Variants in PBX3 observed in about 807,000 individuals in gnomAD.
The protein encoded by PBX3 is pre-B-cell leukemia transcription factor 3.
In PBX3, 14 loss-of-function variants were observed where a neutral mutation model predicts 48.5. The observed-to-expected ratio is 0.29, with a 90% CI of 0.19 to 0.45. PBX3 has a LOEUF of 0.45. Among genes scored for constraint, PBX3 ranks in the 20% least tolerant of loss-of-function variants. The pLI is 1.00. For synonymous variants in PBX3, 210 were observed against 200.3 expected, an observed-to-expected ratio of 1.05 and a Z score of -0.41; for missense variants, 386 against 546.7, an observed-to-expected ratio of 0.71 and a Z score of 2.93.
intron 2 of PBX3, among the ~76,000 whole-genome samples, chr9:125,841,444 TTGTGA>T (rs1409481472): frequency 1.3e-5 from 2 of 152,194 alleles, no homozygotes; most frequent in Non-Finnish European, 2.9e-5. Context: ...TGTCTTGAAC[TTGTGA>T]TGTGGTAGGC....
At chr9:125,930,860 A>G (rs1232344613) in intron 4 of PBX3, among the ~76,000 whole-genome samples, 1 of 152,158 alleles carries the variant, frequency 6.6e-6, no homozygotes, top group African/African-American at 2.4e-5. Context: ...CTTTGCTTGA[A>G]AACCACAGTA....
intron 3 of PBX3, among the ~76,000 whole-genome samples, chr9:125,916,238 AG>A (rs1284597989): frequency 6.6e-6 from 1 of 152,166 alleles, no homozygotes; most frequent in Non-Finnish European, 1.5e-5. Context: ...TGCTCTTCAA[AG>A]CTCTGTATAA....
intron 2 of PBX3, among the ~76,000 whole-genome samples, chr9:125,819,615 C>T (rs543933962): frequency 6.6e-6 from 1 of 152,210 alleles, no homozygotes; most frequent in East Asian, 1.9e-4. Context: ...CTGATATCTT[C>T]CCTGCTTGTA....
intron 5 of PBX3, among the ~76,000 whole-genome samples, chr9:125,943,352 C>CAAAAAAAAAAAAAAAA (rs60326557): frequency 1.3e-4 from 8 of 60,880 alleles, no homozygotes; most frequent in Admixed American, 2.2e-4. Context: ...GAGACTGTCT[C>CAAAAAAAAAAAAAAAA]AAAAAAAAAA....
intron 3 of PBX3, 104 bp downstream of exon 3, chr9:125,916,031 A>G (rs1330534237): frequency 7.0e-7 from 1 of 1,435,298 alleles, no homozygotes; most frequent in African/African-American, 1.4e-5. Flanking sequence ...TGTTAACACA[A>G]ATTACAAAAT....
At chr9:125,893,176 T>C (rs1840691003) in intron 2 of PBX3, among the ~76,000 whole-genome samples, 1 of 152,216 alleles carries the variant, frequency 6.6e-6, no homozygotes, top group African/African-American at 2.4e-5. Context: ...GCAGTAATAA[T>C]TAATATCAGT....
chr9:125,831,408 T>A (rs887062303), intron 2 of PBX3, among the ~76,000 whole-genome samples: 1 of 151,514 alleles, frequency 6.6e-6, no homozygotes, highest in South Asian at 2.1e-4. Flanking sequence ...TTATTCTTTC[T>A]GTATTTATTA....
rs758564832 is a variant in PBX3, at chr9:125,747,544, C to G, written c.91C>G (p.Pro31Ala). 6.2e-7 allele frequency: 1 copy of G among 1,606,036 alleles called. No individual in the cohort carries two copies. Among genetic ancestry groups the G allele is most frequent in the Non-Finnish European group, 8.5e-7 (1 of 1,176,476 alleles). ...GGGGGGCATGGCCCTGCCGCCTCCCCCGCACGGCCACGAAGGGGCGGACGG... is the reference window on the plus strand; with the variant it reads ...GGGGGGCATGGCCCTGCCGCCTCCCGCGCACGGCCACGAAGGGGCGGACGG... ...VQGGMALPPP[P>A]HGHEGADGDG... The change falls in exon 1 of 9, where the codon CCG becomes GCG. Residue 31 changes from proline to alanine, a missense_variant. By Grantham distance (27) the Pro-to-Ala change is conservative (BLOSUM62 -1). Around this residue, in one of 4 missense-constraint regions of PBX3, gnomAD observed 116 missense variants for 98.2 expected, o/e 1.18. Transcript: ENST00000373489.
intron 5 of PBX3, chr9:125,949,324 C>G: frequency 6.5e-7 from 1 of 1,549,206 alleles, no homozygotes. Flanking sequence ...CAGGAATGTT[C>G]ATTAAATGCC....
intron 2 of PBX3, among the ~76,000 whole-genome samples, chr9:125,906,187 T>G (rs1293954513): frequency 6.6e-6 from 1 of 152,034 alleles, no homozygotes; most frequent in Admixed American, 6.6e-5. Flanking sequence ...TTTCCTATAA[T>G]CATGCCATGC....
At chr9:125,894,336 T>C (rs1024851553) in intron 2 of PBX3, among the ~76,000 whole-genome samples, 4 of 152,292 alleles carry the variant, frequency 2.6e-5, no homozygotes, top group African/African-American at 9.6e-5. Context: ...TTTATAAATA[T>C]ATACTTAGAG....
intron 2 of PBX3, among the ~76,000 whole-genome samples, chr9:125,837,409 T>G (rs997104537): frequency 2.7e-5 from 4 of 149,732 alleles, no homozygotes; most frequent in Non-Finnish European, 4.4e-5. Flanking sequence ...TTATTTTATA[T>G]ATATAAAATA....
chr9:125,748,335 A>C (rs985113463), intron 1 of PBX3: 97 of 1,241,362 alleles, frequency 7.8e-5, no homozygotes, highest in Non-Finnish European at 9.0e-5. Context: ...CCTGCCGGGC[A>C]GATGGGTCCG....
chr9:125,794,430 A>G (rs1225277286), intron 2 of PBX3, among the ~76,000 whole-genome samples: 1 of 152,216 alleles, frequency 6.6e-6, no homozygotes, highest in African/African-American at 2.4e-5. Context: ...ATAATTAAAA[A>G]TCTTTCTTGA....
At chr9:125,953,476 CA>C (rs35262454) in intron 5 of PBX3, among the ~76,000 whole-genome samples, 55 of 144,772 alleles carry the variant, frequency 3.8e-4, no homozygotes, top group Non-Finnish European at 5.0e-4. Context: ...GACCCTGTCT[CA>C]AAAAAAAAAA....
intron 2 of PBX3, among the ~76,000 whole-genome samples, chr9:125,894,540 G>A (rs930114721): frequency 5.9e-5 from 9 of 152,038 alleles, no homozygotes; most frequent in African/African-American, 2.2e-4. Flanking sequence ...TGTGCTTGTA[G>A]GGTAAAGTAA....
intron 5 of PBX3, among the ~76,000 whole-genome samples, chr9:125,942,177 C>A (rs1472639273): frequency 1.3e-5 from 2 of 152,170 alleles, no homozygotes; most frequent in African/African-American, 4.8e-5. Flanking sequence ...GGGTCACAAG[C>A]CTTAGTGAGT....
intron 5 of PBX3, chr9:125,949,550 TTACTCCAAAAA>T (rs1477221281): frequency 7.4e-7 from 1 of 1,348,872 alleles, no homozygotes; most frequent in Non-Finnish European, 9.6e-7. Context: ...ATAGTATTCT[TTACTCCAAAAA>T]TGCATGAGAT....
intron 3 of PBX3, among the ~76,000 whole-genome samples, chr9:125,929,063 A>T (rs973859434): frequency 1.3e-5 from 2 of 152,102 alleles, no homozygotes; most frequent in East Asian, 3.9e-4. Flanking sequence ...ATCTTTATCC[A>T]CCTTTCAAAG....
Sources: allele counts gnomAD v4.1 joint callset (sites outside exome capture counted in the v4.1 genomes callset), GRCh38; gene constraint gnomAD v4.1.1; regional missense constraint gnomAD v4.1.1; transcripts MANE v1.5; gene names NCBI Gene and HGNC (gene_info 2026-07-23, HGNC 2026-07-21).